LEPROT: variants seen among roughly 807,000 people sequenced by gnomAD.
LEPROT encodes leptin receptor gene-related protein.
A neutral mutation model predicts 15.4 loss-of-function variants in LEPROT; 3 were observed. The ratio of observed to expected loss-of-function variants is 0.19; its 90% CI spans 0.09 to 0.50. The LOEUF (loss-of-function observed/expected upper bound fraction) is 0.50, where lower values mean the gene tolerates loss of function less well. Ranked by LOEUF, LEPROT falls within the 20% of genes least tolerant of loss-of-function variation. The pLI, the probability that LEPROT is intolerant of heterozygous loss-of-function variation, is 0.97. For synonymous variants in LEPROT, 59 were observed against 57.5 expected, an observed-to-expected ratio of 1.03 and a Z score of -0.12; for missense variants, 137 against 162.2, an observed-to-expected ratio of 0.84 and a Z score of 0.84.
Position 65,435,177 on chromosome 1 carries a change from C to T in LEPROT, c.*3258C>T. The T allele has an allele frequency of 1.2e-5, 12 of 985,384 alleles. No homozygotes were observed. Among genetic ancestry groups the T allele is most frequent in the Non-Finnish European group, 1.4e-5 (12 of 829,936 alleles). The allele number at this position is 985,384 out of a possible 1,614,324, so 61.0% of individuals were successfully genotyped here. A position where few individuals can be genotyped will look rare whatever the true frequency, so the allele number is the denominator to read the frequency against. ...GGAGTTCTGAGCTGGTCCTGCTTTT[C>T]ATAGTTGTTTCTTTTCTTCCACTTA... On this transcript the variant is annotated 3_prime_UTR_variant, in exon 4 of 4. Transcript: ENST00000371065.
intron 2 of LEPROT, among the ~76,000 whole-genome samples, chr1:65,426,309 G>A (rs1050621662): frequency 3.9e-5 from 6 of 152,138 alleles, no homozygotes; most frequent in African/African-American, 1.4e-4. Flanking sequence ...GTAGTGGAGT[G>A]GCAAAAGAAG....
At position 65,430,128 on chromosome 1, in the gene LEPROT, G is replaced by A. The variant is rs562637327; in HGVS notation, c.279+80G>A. 7.0e-5 allele frequency: 88 copies of A among 1,254,272 alleles called. 1 individual carries two copies. In the Middle Eastern group the frequency reaches 1.4e-3, roughly 20 times the overall value. The allele number at this position is 1,254,272 out of a possible 1,614,324, so 77.7% of individuals were successfully genotyped here. ...CCTGTGTCTGGGACCTCCATTTCAT[G>A]CTCATTACTTAGGCTTTATACTCAA... is the stretch of plus-strand genomic sequence containing the variant. On this transcript the variant is annotated intron_variant, in intron 3 of 3. Transcript: ENST00000371065.
At chr1:65,421,666 G>A (rs530274975) in intron 1 of LEPROT, among the ~76,000 whole-genome samples, 3 of 152,260 alleles carry the variant, frequency 2.0e-5, no homozygotes, top group Non-Finnish European at 2.9e-5. Flanking sequence ...ACATTTTATC[G>A]TTATTTCTGG....
chr1:65,424,839 C>A (rs1301303060), intron 1 of LEPROT, among the ~76,000 whole-genome samples: 1 of 152,130 alleles, frequency 6.6e-6, no homozygotes, highest in Non-Finnish European at 1.5e-5. Flanking sequence ...GTGGAGACCC[C>A]ACCCTCATGA....
At position 65,432,969 on chromosome 1, in the gene LEPROT, C is replaced by T. The variant is rs1646507785; in HGVS notation, c.*1050C>T. 1.0e-5 allele frequency: 10 copies of T among 985,192 alleles called. No homozygotes were observed. The highest frequency in any genetic ancestry group is 1.1e-5 in the Non-Finnish European group (9 of 829,806). The allele number at this position is 985,192 out of a possible 1,614,324, so 61.0% of individuals were successfully genotyped here. A position where few individuals can be genotyped will look rare whatever the true frequency, so the allele number is the denominator to read the frequency against. ...AATAAAAAACAAAACATACTCTCTCCCCCAAAAAAACATCTCAGTGGGGAA... is the reference window on the plus strand; with the variant it reads ...AATAAAAAACAAAACATACTCTCTCTCCCAAAAAAACATCTCAGTGGGGAA... On this transcript the variant is annotated 3_prime_UTR_variant, in exon 4 of 4. Coordinates refer to ENST00000371065, the MANE Select transcript of LEPROT (RefSeq NM_017526.5).
Position 65,435,865 on chromosome 1 carries a change from C to A in LEPROT, c.*3946C>A. Reference sequence around the variant, plus strand: ...TTTTGTCTCATGAAGTACCTTATTGCAAAAATCCCACTGAGTAATAGCTCA... The same window carrying A: ...TTTTGTCTCATGAAGTACCTTATTGAAAAAATCCCACTGAGTAATAGCTCA... On this transcript the variant is annotated 3_prime_UTR_variant, in exon 4 of 4. Transcript: ENST00000371065. 1 of 983,560 alleles carries A rather than the reference C, an allele frequency of 1.0e-6. No individual in the cohort carries two copies. Among genetic ancestry groups the A allele is most frequent in the South Asian group, 4.7e-5 (1 of 21,256 alleles). The allele number at this position is 983,560 out of a possible 1,614,324, so 60.9% of individuals were successfully genotyped here.
In LEPROT at chr1:65,435,348, A is replaced by T. The variant is rs61779771; in HGVS notation, c.*3429A>T. On this transcript the variant is annotated 3_prime_UTR_variant, in exon 4 of 4. Coordinates refer to ENST00000371065, the MANE Select transcript of LEPROT (RefSeq NM_017526.5). ...AGGGAAATGCTTAGGTGGTGTCACA[A>T]AATGTGCCTTTTCTTTTCTTTTTTT... The T allele has an allele frequency of 4.4e-3, 4,309 of 976,466 alleles. 13 individuals carry two copies. Among genetic ancestry groups the T allele is most frequent in the Non-Finnish European group, 4.9e-3 (4,031 of 823,006 alleles). 60.5% of individuals were successfully genotyped at this position (976,466 alleles called of 1,614,324 possible). A position where few individuals can be genotyped will look rare whatever the true frequency, so the allele number is the denominator to read the frequency against.
rs1168997020 is a variant in LEPROT, at chr1:65,433,247, G to A, written c.*1328G>A. 2 of 985,226 alleles carry A rather than the reference G, an allele frequency of 2.0e-6. No individual in the cohort carries two copies. Among genetic ancestry groups the A allele is most frequent in the African/African-American group, 3.5e-5 (2 of 57,194 alleles). 61.0% of individuals were successfully genotyped at this position (985,226 alleles called of 1,614,324 possible). A position where few individuals can be genotyped will look rare whatever the true frequency, so the allele number is the denominator to read the frequency against. ...GGCTTCTTCCCGAAGAGATATAGGA[G>A]CCATGTAAGCACGCAGTGGGTGAAC... On this transcript the variant is annotated 3_prime_UTR_variant, in exon 4 of 4. Transcript: ENST00000371065.
chr1:65,434,964 C>T lies in LEPROT; in HGVS notation c.*3045C>T, dbSNP rs1166754432. 7.1e-6 allele frequency: 7 copies of T among 985,390 alleles called. No individual in the cohort carries two copies. The highest frequency in any genetic ancestry group is 1.7e-5 in the African/African-American group (1 of 57,234). The allele number at this position is 985,390 out of a possible 1,614,324, so 61.0% of individuals were successfully genotyped here. ...TCCACATCTGAAATTCCTTTTGACA[C>T]CTGCATTGGGCCGACTGCCATTCCC... On this transcript the variant is annotated 3_prime_UTR_variant, in exon 4 of 4. Transcript: ENST00000371065.
chr1:65,429,171 G>T (rs1646436448), intron 2 of LEPROT, among the ~76,000 whole-genome samples: 1 of 152,142 alleles, frequency 6.6e-6, no homozygotes, highest in South Asian at 2.1e-4. Context: ...GATGACCAGG[G>T]AAAGTTCTGC....
rs190608216 is a variant in LEPROT, at chr1:65,435,340, G to T, written c.*3421G>T. On this transcript the variant is annotated 3_prime_UTR_variant, in exon 4 of 4. Coordinates refer to ENST00000371065, the MANE Select transcript of LEPROT (RefSeq NM_017526.5). ...ATGTTCTCAGGGAAATGCTTAGGTG[G>T]TGTCACAAAATGTGCCTTTTCTTTT... 2 of 978,974 alleles carry T rather than the reference G, an allele frequency of 2.0e-6. No homozygotes were observed. The highest frequency in any genetic ancestry group is 3.5e-5 in the African/African-American group (2 of 56,660). The allele number at this position is 978,974 out of a possible 1,614,324, so 60.6% of individuals were successfully genotyped here. A position where few individuals can be genotyped will look rare whatever the true frequency, so the allele number is the denominator to read the frequency against.
At chr1:65,430,929 A>G (rs11208648) in intron 3 of LEPROT, among the ~76,000 whole-genome samples, 19,717 of 152,210 alleles carry the variant, frequency 0.13, 2,406 homozygotes, top group African/African-American at 0.32. Context: ...GTATTGAGGT[A>G]GGATGGCTGT....
At position 65,433,439 on chromosome 1, in the gene LEPROT, A is replaced by T. The variant is rs1646516016; in HGVS notation, c.*1520A>T. On this transcript the variant is annotated 3_prime_UTR_variant, in exon 4 of 4. Transcript: ENST00000371065. ...TTGTCTAAGATCTATTGAGAAAGGG[A>T]AATATGGGAAGGAGAACCATTTGAT... 1 of 985,432 alleles carries T rather than the reference A, an allele frequency of 1.0e-6. No individual in the cohort carries two copies. The highest frequency in any genetic ancestry group is 4.7e-5 in the South Asian group (1 of 21,290). 61.0% of individuals were successfully genotyped at this position (985,432 alleles called of 1,614,324 possible). A position where few individuals can be genotyped will look rare whatever the true frequency, so the allele number is the denominator to read the frequency against.
chr1:65,435,595 C>A lies in LEPROT; in HGVS notation c.*3676C>A. On this transcript the variant is annotated 3_prime_UTR_variant, in exon 4 of 4. Transcript: ENST00000371065. ...TGTTAGCCAGGATGGTCTCGATCTC[C>A]TGACCTCATGATCCGCCCGCCTCTG... The A allele has an allele frequency of 1.5e-6, 1 of 648,204 alleles. No individual in the cohort carries two copies. The highest frequency in any genetic ancestry group is 1.9e-6 in the Non-Finnish European group (1 of 522,072). The allele number at this position is 648,204 out of a possible 1,614,324, so 40.2% of individuals were successfully genotyped here.
chr1:65,425,223 C>A, intron 1 of LEPROT, 80 bp from the exon 2 acceptor site: 2 of 1,192,314 alleles, frequency 1.7e-6, no homozygotes, highest in Non-Finnish European at 1.2e-6. Flanking sequence ...TATTAGAAGT[C>A]ACTCCCCATT....
chr1:65,431,835 A>G lies in LEPROT; in HGVS notation c.312A>G (p.Ala104=). 4 of 1,613,968 alleles carry G rather than the reference A, an allele frequency of 2.5e-6. No individual in the cohort carries two copies. Among genetic ancestry groups the G allele is most frequent in the East Asian group, 4.5e-5 (2 of 44,874 alleles). ...GGGGAGCCTGCGGCCTTGTGTTGGC[A>G]GGCAATGCAGTCATTTTCCTTACAA... ...IKWGACGLVL[A]GNAVIFLTIQ... is the part of the protein sequence containing the mutation. The change falls in exon 4 of 4, where the codon GCA becomes GCG. Residue 104 remains alanine, a synonymous_variant. Coordinates refer to ENST00000371065, the MANE Select transcript of LEPROT (RefSeq NM_017526.5).
At chr1:65,424,032 G>A (rs1022387002) in intron 1 of LEPROT, among the ~76,000 whole-genome samples, 50 of 152,174 alleles carry the variant, frequency 3.3e-4, no homozygotes, top group Non-Finnish European at 1.3e-4. Context: ...ATCAGGTTCA[G>A]AGGATTAGCT....
At chr1:65,421,590 A>G (rs889712723) in intron 1 of LEPROT, 1 of 1,031,410 alleles carries the variant, frequency 9.7e-7, no homozygotes, top group Non-Finnish European at 1.4e-6. Flanking sequence ...ACATGTAGAT[A>G]GTATATATAC....
Position 65,432,737 on chromosome 1 carries a change from G to T in LEPROT, c.*818G>T, listed in dbSNP as rs145686430. 1.5e-6 allele frequency: 1 copy of T among 651,276 alleles called. No homozygotes were observed. Among genetic ancestry groups the T allele is most frequent in the Non-Finnish European group, 1.9e-6 (1 of 525,206 alleles). 40.3% of individuals were successfully genotyped at this position (651,276 alleles called of 1,614,324 possible). A position where few individuals can be genotyped will look rare whatever the true frequency, so the allele number is the denominator to read the frequency against. ...GGAATAAGTGTGATTTTTTTTTAAA[G>T]ATCACTTGCACAGCATGCTAAATAT... On this transcript the variant is annotated 3_prime_UTR_variant, in exon 4 of 4. Transcript: ENST00000371065.
Sources: allele counts gnomAD v4.1 joint callset (sites outside exome capture counted in the v4.1 genomes callset), GRCh38; gene constraint gnomAD v4.1.1; transcripts MANE v1.5; gene names NCBI Gene and HGNC (gene_info 2026-07-23, HGNC 2026-07-21).